The following NRXN1 variants were observed in gnomAD, a reference collection of about 807,000 sequenced individuals.
NRXN1 encodes the protein neurexin 1.
In NRXN1, 39 loss-of-function variants were observed where a neutral mutation model predicts 150.9. That is an observed-to-expected ratio of 0.26 (90% CI 0.20 to 0.34). NRXN1 has a LOEUF of 0.34. NRXN1 is among the 10% of genes least tolerant of loss of function. The pLI, the probability that NRXN1 is intolerant of heterozygous loss-of-function variation, is 1.00. For synonymous variants in NRXN1, 924 were observed against 757.0 expected (o/e 1.22, Z -3.62); for missense variants, 1,815 against 1,949.9 (o/e 0.93, Z 1.30).
intron 5 of NRXN1, among the ~76,000 whole-genome samples, chr2:50,841,393 G>A (rs1276590928): frequency 1.3e-5 from 2 of 152,110 alleles, no homozygotes; most frequent in Non-Finnish European, 2.9e-5. Context: ...TCATTACTGT[G>A]TTTGCCTCCA....
intron 17 of NRXN1, among the ~76,000 whole-genome samples, chr2:50,300,807 T>C (rs1176640145): frequency 6.6e-6 from 1 of 152,180 alleles, no homozygotes; most frequent in Non-Finnish European, 1.5e-5. Flanking sequence ...GCGATTATCC[T>C]GCCTCAGCCT....
intron 15 of NRXN1, among the ~76,000 whole-genome samples, chr2:50,489,549 C>T (rs571677033): frequency 3.2e-4 from 45 of 141,678 alleles, no homozygotes; most frequent in Non-Finnish European, 5.2e-4. Flanking sequence ...GTCAACCTCC[C>T]CTGAGCAGAT....
chr2:50,197,043 AC>A (rs1467116181), intron 18 of NRXN1, among the ~76,000 whole-genome samples: 3 of 152,092 alleles, frequency 2.0e-5, no homozygotes, highest in Non-Finnish European at 4.4e-5. Context: ...CTTCACATGT[AC>A]CCCCAAACCT....
At chr2:50,761,907 TTTGGACTC>T (rs1240096798) in intron 5 of NRXN1, among the ~76,000 whole-genome samples, 1 of 151,790 alleles carries the variant, frequency 6.6e-6, no homozygotes, top group Non-Finnish European at 1.5e-5. Context: ...TTCTTCAGCT[TTTGGACTC>T]TTGGACCTAC....
At chr2:50,845,691 A>G (rs538072375) in intron 5 of NRXN1, among the ~76,000 whole-genome samples, 3 of 152,350 alleles carry the variant, frequency 2.0e-5, no homozygotes, top group South Asian at 4.1e-4. Context: ...CAAGTGATAC[A>G]GTAGCATATT....
chr2:50,392,717 T>A (rs909961157), intron 17 of NRXN1, among the ~76,000 whole-genome samples: 1 of 152,058 alleles, frequency 6.6e-6, no homozygotes, highest in Non-Finnish European at 1.5e-5. Context: ...GTTTCATACA[T>A]GAATAAACAT....
chr2:50,809,015 G>T (rs1310880289), intron 5 of NRXN1, among the ~76,000 whole-genome samples: 1 of 151,982 alleles, frequency 6.6e-6, no homozygotes, highest in Non-Finnish European at 1.5e-5. Flanking sequence ...AATGTCTCTG[G>T]CCTGGTCACA....
intron 2 of NRXN1, among the ~76,000 whole-genome samples, chr2:50,952,117 C>A (rs1019518320): frequency 4.6e-5 from 7 of 150,956 alleles, no homozygotes; most frequent in Admixed American, 4.6e-4. Flanking sequence ...TAGGCGCCTG[C>A]CACTACGCCC....
At chr2:50,467,555 T>C (rs1397401559) in intron 16 of NRXN1, among the ~76,000 whole-genome samples, 2 of 151,570 alleles carry the variant, frequency 1.3e-5, no homozygotes, top group Non-Finnish European at 3.0e-5. Flanking sequence ...GTATTATAAA[T>C]TTTTAGTAAA....
At chr2:50,271,267 G>C (rs970909125) in intron 17 of NRXN1, among the ~76,000 whole-genome samples, 4 of 152,110 alleles carry the variant, frequency 2.6e-5, no homozygotes, top group African/African-American at 9.7e-5. Flanking sequence ...AAAGTATCAT[G>C]ATTTAAAGAG....
chr2:50,647,992 T>G (rs531562897), intron 5 of NRXN1, among the ~76,000 whole-genome samples: 1 of 151,996 alleles, frequency 6.6e-6, no homozygotes, highest in Non-Finnish European at 1.5e-5. Flanking sequence ...CATGTATTTA[T>G]TTCCTTTAAA....
chr2:50,649,226 T>C (rs1685234330), intron 5 of NRXN1, among the ~76,000 whole-genome samples: 1 of 143,826 alleles, frequency 7.0e-6, no homozygotes, highest in African/African-American at 2.6e-5. Context: ...GAATACAAAA[T>C]TAGGTACAAG....
intron 18 of NRXN1, among the ~76,000 whole-genome samples, chr2:50,107,501 C>A (rs1203002557): frequency 6.9e-6 from 1 of 144,294 alleles, no homozygotes; most frequent in Non-Finnish European, 1.5e-5. Flanking sequence ...ATTATTGTCA[C>A]ATGCTACATT....
intron 18 of NRXN1, among the ~76,000 whole-genome samples, chr2:50,135,430 C>T (rs372489019): frequency 1.3e-5 from 2 of 151,910 alleles, no homozygotes; most frequent in African/African-American, 4.8e-5. Context: ...CGGTGGCTCA[C>T]GCCTGTAATC....
intron 5 of NRXN1, among the ~76,000 whole-genome samples, chr2:50,778,754 CAT>C (rs1309863545): frequency 4.6e-5 from 7 of 152,224 alleles, no homozygotes; most frequent in African/African-American, 1.2e-4. Context: ...CCCAAATGTG[CAT>C]ATGTTTGTGC....
intron 18 of NRXN1, among the ~76,000 whole-genome samples, chr2:50,226,056 G>T (rs74803167): frequency 6.6e-6 from 1 of 152,084 alleles, no homozygotes; most frequent in East Asian, 1.9e-4. Context: ...ACTCTCACCT[G>T]CATCACAGAA....
intron 18 of NRXN1, among the ~76,000 whole-genome samples, chr2:50,176,076 A>G (rs2060336527): frequency 6.6e-6 from 1 of 152,162 alleles, no homozygotes; most frequent in South Asian, 2.1e-4. Flanking sequence ...AAGGATGGAA[A>G]AGCTATGACT....
chr2:49,952,988 C>T (rs1674248864), intron 21 of NRXN1, among the ~76,000 whole-genome samples: 1 of 152,190 alleles, frequency 6.6e-6, no homozygotes, highest in Admixed American at 6.6e-5. Context: ...ACACAATGAC[C>T]TTCGAAGTGA....
intron 17 of NRXN1, among the ~76,000 whole-genome samples, chr2:50,378,483 C>T (rs779022902): frequency 6.6e-6 from 1 of 152,074 alleles, no homozygotes. Context: ...TGTAGAATTT[C>T]GGTTGCTTAC....
Sources: gnomAD v4.1 joint callset for allele counts (sites outside exome capture counted in the v4.1 genomes callset) on GRCh38, gnomAD v4.1.1 for gene constraint, MANE v1.5 for transcripts, NCBI Gene and HGNC (gene_info 2026-07-23, HGNC 2026-07-21) for gene names.